HYDIN: variants seen among roughly 807,000 people sequenced by gnomAD.
HYDIN encodes the protein axonemal central pair apparatus protein HYDIN.
HYDIN carries 132 observed loss-of-function variants against 403.9 expected under a neutral mutation model. The observed-to-expected ratio is 0.33, with a 90% confidence interval of 0.28 to 0.38. The LOEUF (loss-of-function observed/expected upper bound fraction) is 0.38, where lower values mean the gene tolerates loss of function less well. Ranked by LOEUF, HYDIN falls within the 10% of genes least tolerant of loss-of-function variation. HYDIN has a pLI of 1.00. For synonymous variants in HYDIN, 1,202 were observed against 1,891.7 expected (o/e 0.64, Z 9.46); for missense variants, 2,827 against 5,009.5 (o/e 0.56, Z 13.15).
At position 71,199,990 on chromosome 16, in the gene HYDIN, C is replaced by T. The variant is rs573125234; in HGVS notation, c.-23-13072G>A. Among the ~76,000 whole-genome samples, 435 of 152,194 alleles carry T rather than the reference C, an allele frequency of 2.9e-3. 3 individuals carry two copies. The Middle Eastern group carries it at 0.031, about 11-fold the overall frequency. The stretch of plus-strand genomic sequence containing the variant: ...CAGCACAAGATACAGGTCATAAAGA[C>T]CTTGCTAATAAAACAGTTTGCAGTA... On this transcript the variant is annotated intron_variant, in intron 1 of 85. Transcript: ENST00000393567.
intron 75 of HYDIN, among the ~76,000 whole-genome samples, chr16:70,842,875 T>C (rs2037924115): frequency 6.6e-6 from 1 of 151,950 alleles, no homozygotes; most frequent in South Asian, 2.1e-4. Flanking sequence ...TATTTTCTAG[T>C]GTACCATTTA....
chr16:71,165,374 G>C (rs115921346), intron 5 of HYDIN, among the ~76,000 whole-genome samples: 7,653 of 151,642 alleles, frequency 0.05, 680 homozygotes, highest in African/African-American at 0.18. Context: ...GCGATCCACT[G>C]TCTCCCCGAG....
chr16:70,933,137 C>T (rs2077397895), intron 45 of HYDIN, among the ~76,000 whole-genome samples: 1 of 151,860 alleles, frequency 6.6e-6, no homozygotes. Flanking sequence ...TGTAGCTACA[C>T]AGTACCACAG....
intron 23 of HYDIN, among the ~76,000 whole-genome samples, chr16:71,006,742 C>T (rs980262180): frequency 1.9e-4 from 29 of 151,908 alleles, no homozygotes; most frequent in African/African-American, 7.0e-4. Context: ...GGGCAGCAGG[C>T]GTCTCTTCAC....
intron 1 of HYDIN, among the ~76,000 whole-genome samples, chr16:71,191,816 G>T (rs920250379): frequency 2.0e-5 from 3 of 152,154 alleles, no homozygotes; most frequent in East Asian, 1.9e-4. Context: ...CTCAAGCTCA[G>T]CATGTTCCCC....
intron 23 of HYDIN, among the ~76,000 whole-genome samples, chr16:70,992,780 G>A (rs1485233907): frequency 2.0e-5 from 3 of 152,146 alleles, no homozygotes; most frequent in African/African-American, 7.2e-5. Context: ...GAGCTGTGCT[G>A]CCACTCAAGT....
intron 6 of HYDIN, among the ~76,000 whole-genome samples, chr16:71,161,550 T>A (rs2086002057): frequency 1.3e-5 from 2 of 152,124 alleles, no homozygotes; most frequent in Admixed American, 1.3e-4. Context: ...GACCTCTCTA[T>A]CCCTCGGTTT....
chr16:71,039,585 G>A (rs1473399233), intron 18 of HYDIN, among the ~76,000 whole-genome samples: 1 of 152,134 alleles, frequency 6.6e-6, no homozygotes, highest in Non-Finnish European at 1.5e-5. Context: ...AGCCAGCAGA[G>A]AGGAGAGGCA....
At position 71,100,854 on chromosome 16, in the gene HYDIN, TG is replaced by T. The variant is rs1189048428; in HGVS notation, c.1328-6920del. On this transcript the variant is annotated intron_variant, in intron 10 of 85. Transcript: ENST00000393567. ...GGGAGATTATCCTAGACTATCTTGG[TG>T]GGCCCTAATATAATCACAAATGTCC... is the stretch of plus-strand genomic sequence containing the variant. Among the ~76,000 whole-genome samples, 229 of 115,644 alleles carry T rather than the reference TG, an allele frequency of 2.0e-3. 4 individuals carry two copies. The highest frequency in any genetic ancestry group is 7.2e-3 in the African/African-American group (215 of 29,700). The allele number at this position is 115,644 out of a possible 152,430, so 75.9% of individuals were successfully genotyped here. A position where few individuals can be genotyped will look rare whatever the true frequency, so the allele number is the denominator to read the frequency against.
intron 1 of HYDIN, among the ~76,000 whole-genome samples, chr16:71,230,089 C>A (rs2041215151): frequency 6.6e-6 from 1 of 152,200 alleles, no homozygotes; most frequent in African/African-American, 2.4e-5. Context: ...TGTGAGGCCT[C>A]CCCAGCCAAG....
At chr16:71,167,591 C>A (rs1451823518) in intron 5 of HYDIN, among the ~76,000 whole-genome samples, 2 of 151,844 alleles carry the variant, frequency 1.3e-5, no homozygotes, top group African/African-American at 4.8e-5. Context: ...TGTTTTCAGA[C>A]CTTTTCAAGT....
intron 49 of HYDIN, 116 bp downstream of exon 49, chr16:70,908,136 G>A: frequency 1.3e-6 from 1 of 773,360 alleles, no homozygotes; most frequent in Non-Finnish European, 2.1e-6. Flanking sequence ...ATGACAAGAG[G>A]GGCTGGGGTG....
chr16:70,807,898 G>T lies in HYDIN; in HGVS notation c.15048C>A (p.Pro5016=). The change falls in exon 86 of 86, where the codon CCC becomes CCA. Residue 5016 remains proline, a synonymous_variant. Coordinates refer to ENST00000393567, the MANE Select transcript of HYDIN (RefSeq NM_001270974.2). ...TGGGAGGCAGAGCCATTCCAAAGAG[G>T]GGGATGATATACTCTCCACCTGCGA... ...SSLAGGEYII[P]LFGMALPPKP... is the part of the protein sequence containing the mutation. 1 of 1,614,100 alleles carries T rather than the reference G, an allele frequency of 6.2e-7. No homozygotes were observed. Among genetic ancestry groups the T allele is most frequent in the Non-Finnish European group, 8.5e-7 (1 of 1,179,986 alleles).
intron 43 of HYDIN, among the ~76,000 whole-genome samples, chr16:70,940,464 A>G (rs1294056137): frequency 4.0e-5 from 6 of 151,890 alleles, no homozygotes; most frequent in African/African-American, 1.5e-4. Context: ...TTCGACAAAC[A>G]TGAGATTTTA....
chr16:71,135,932 T>C lies in HYDIN; in HGVS notation c.1043+1219A>G, dbSNP rs536760769. The stretch of plus-strand genomic sequence containing the variant: ...ATTAGGGACTGCACACTGGGGGGGT[T>C]CTTCCTGGTTTCCACGGACCTAAGA... On this transcript the variant is annotated intron_variant, in intron 8 of 85. Transcript: ENST00000393567. 5.7e-4 allele frequency among the ~76,000 whole-genome samples: 87 copies of C among 151,526 alleles called. 2 individuals are homozygous for C. The South Asian group carries it at 0.018, about 31-fold the overall frequency.
chr16:71,056,360 C>G (rs2081893676), intron 18 of HYDIN, among the ~76,000 whole-genome samples: 1 of 152,068 alleles, frequency 6.6e-6, no homozygotes, highest in African/African-American at 2.4e-5. Context: ...ATAATCTTCA[C>G]TGTTTCTTCA....
chr16:71,016,300 A>G (rs1416859016), intron 23 of HYDIN, among the ~76,000 whole-genome samples: 1 of 151,462 alleles, frequency 6.6e-6, no homozygotes, highest in Non-Finnish European at 1.5e-5. Context: ...TAATTTAAAA[A>G]TGGGCTAAGG....
At chr16:70,893,279 A>G (rs1435975973) in intron 55 of HYDIN, among the ~76,000 whole-genome samples, 1 of 152,134 alleles carries the variant, frequency 6.6e-6, no homozygotes, top group African/African-American at 2.4e-5. Flanking sequence ...AATCTAAAAG[A>G]AAACTCACCA....
rs561964340 is a variant in HYDIN, at chr16:71,048,475, C to A, written c.2529+12029G>T. On this transcript the variant is annotated intron_variant, in intron 18 of 85. Transcript: ENST00000393567. ...CCTACTAAGAGTGGATAAAAGCTCA[C>A]TTTTCTCAGCATTATTGCCAGTATT... Among the ~76,000 whole-genome samples, 206 of 133,152 alleles carry A rather than the reference C, an allele frequency of 1.5e-3. 10 individuals carry two copies. The highest frequency in any genetic ancestry group is 5.2e-3 in the African/African-American group (196 of 37,350). The allele number at this position is 133,152 out of a possible 152,430, so 87.4% of individuals were successfully genotyped here. A position where few individuals can be genotyped will look rare whatever the true frequency, so the allele number is the denominator to read the frequency against.
Sources: gnomAD v4.1 joint callset for allele counts (sites outside exome capture counted in the v4.1 genomes callset) on GRCh38, gnomAD v4.1.1 for gene constraint, MANE v1.5 for transcripts, NCBI Gene and HGNC (gene_info 2026-07-23, HGNC 2026-07-21) for gene names.